The following NCAPD2 variants were observed in gnomAD, a reference collection of about 807,000 sequenced individuals.
NCAPD2 encodes non-SMC condensin I complex subunit D2, also known as condensin complex subunit 1.
Under a neutral mutation model 164.5 loss-of-function variants are expected in NCAPD2, and 100 were observed. The observed-to-expected ratio is 0.61, with a 90% CI of 0.52 to 0.72. The LOEUF (loss-of-function observed/expected upper bound fraction) is 0.72, where lower values mean the gene tolerates loss of function less well. NCAPD2 is among the 30% of genes least tolerant of loss of function. The probability of loss-of-function intolerance (pLI) is 0.00; values close to 1 mark genes in which losing one functional copy is unlikely to be tolerated. For missense variants in NCAPD2, 1,560 were observed against 1,749.2 expected, an observed-to-expected ratio of 0.89 and a Z score of 1.93; for synonymous variants, 585 against 642.6, an observed-to-expected ratio of 0.91 and a Z score of 1.36.
intron 9 of NCAPD2, among the ~76,000 whole-genome samples, chr12:6,515,256 C>T (rs1052731230): frequency 2.0e-5 from 3 of 151,918 alleles, no homozygotes; most frequent in African/African-American, 7.3e-5. Flanking sequence ...ATGATCATAG[C>T]TCATTGCAGC....
At position 6,530,684 on chromosome 12, in the gene NCAPD2, C is replaced by T; in HGVS notation, c.3838-7C>T. ...GGCCTGCTCTGAATCTCCTTTTCTC[C>T]CTCCAGGCTATAATAGATGAATTTG... On this transcript the variant is annotated splice_region_variant and splice_polypyrimidine_tract_variant and intron_variant, in intron 29 of 31. Transcript: ENST00000315579. The T allele has an allele frequency of 6.2e-7, 1 of 1,613,784 alleles. No individual in the cohort carries two copies. Among genetic ancestry groups the T allele is most frequent in the Non-Finnish European group, 8.5e-7 (1 of 1,179,940 alleles).
At chr12:6,508,137 A>G (rs76576167) in intron 2 of NCAPD2, among the ~76,000 whole-genome samples, 1 of 152,170 alleles carries the variant, frequency 6.6e-6, no homozygotes, top group East Asian at 1.9e-4. Flanking sequence ...CCTGGCTAAC[A>G]TGGTGCAACC....
intron 17 of NCAPD2, among the ~76,000 whole-genome samples, chr12:6,523,553 A>G (rs1472320929): frequency 6.6e-6 from 1 of 151,992 alleles, no homozygotes; most frequent in East Asian, 1.9e-4. Flanking sequence ...ATGTGCCACC[A>G]TGCCCGACTA....
chr12:6,528,381 TGA>T lies in NCAPD2; in HGVS notation c.3299+57_3299+58del. On this transcript the variant is annotated intron_variant, in intron 25 of 31. Coordinates refer to ENST00000315579, the MANE Select transcript of NCAPD2 (RefSeq NM_014865.4). This position sits in a 1 kb window ranked among gnomAD's most constrained non-coding sequence, Gnocchi z 5.1. ...AGTTCCCAGGAGCCCCGGAGTCTGT[TGA>T]GAGTCAGTGTGAGAATCACCAGGGC... 1 of 1,604,668 alleles carries T rather than the reference TGA, an allele frequency of 6.2e-7. No homozygotes were observed. Among genetic ancestry groups the T allele is most frequent in the Non-Finnish European group, 8.5e-7 (1 of 1,173,508 alleles).
rs574374887 is a variant in NCAPD2 at position 6,508,056 on chromosome 12, C to T, written c.128-1661C>T. 2.8e-4 allele frequency among the ~76,000 whole-genome samples: 43 copies of T among 152,100 alleles called. No homozygotes were observed. The East Asian group carries it at 6.0e-3, about 21-fold the overall frequency. ...AGAAAAAAAAATTAGCTGGGCCGGG[C>T]GCAGTGGCTCACGCCTGTAATCCCA... On this transcript the variant is annotated intron_variant, in intron 2 of 31. Coordinates refer to ENST00000315579, the MANE Select transcript of NCAPD2 (RefSeq NM_014865.4).
Position 6,526,383 on chromosome 12 carries a change from GGGAA to G in NCAPD2, c.2566+15_2566+18del. 6.2e-7 allele frequency: 1 copy of G among 1,614,180 alleles called. No homozygotes were observed. The highest frequency in any genetic ancestry group is 8.5e-7 in the Non-Finnish European group (1 of 1,180,018). On this transcript the variant is annotated intron_variant, in intron 20 of 31. Transcript: ENST00000315579. ...GACAGTCACAAAAGGTGAGCTCTCA[GGGAA>G]GGCCTTGGGCAGAATTGGGCCCTTT...
chr12:6,505,844 G>A (rs1946094478), intron 2 of NCAPD2, among the ~76,000 whole-genome samples: 1 of 54,038 alleles, frequency 1.9e-5, no homozygotes, highest in Non-Finnish European at 3.1e-5. Flanking sequence ...TAGCCTGGGT[G>A]ACAGCAAGAA....
chr12:6,510,994 T>G, intron 5 of NCAPD2, 116 bp from the exon 6 acceptor site: 1 of 1,316,888 alleles, frequency 7.6e-7, no homozygotes, highest in Non-Finnish European at 1.1e-6. Context: ...GTAATATTTC[T>G]TCCGTATTAC....
intron 22 of NCAPD2, among the ~76,000 whole-genome samples, chr12:6,527,339 C>T (rs1464898031): frequency 6.6e-6 from 1 of 152,218 alleles, no homozygotes; most frequent in Non-Finnish European, 1.5e-5. Context: ...TGTTAGAACA[C>T]GCACGTACCC....
Position 6,528,286 on chromosome 12 carries a change from T to C in NCAPD2, c.3257T>C (p.Phe1086Ser). 6.2e-7 allele frequency: 1 copy of C among 1,613,800 alleles called. No individual in the cohort carries two copies. The highest frequency in any genetic ancestry group is 8.5e-7 in the Non-Finnish European group (1 of 1,179,950). The change falls in exon 25 of 32, where the codon TTT (phenylalanine) becomes TCT (serine). Residue 1086 changes from phenylalanine (F) to serine (S), a missense_variant. Physicochemically the swap from Phe to Ser is radical, Grantham distance 155 (BLOSUM62 -2). Coordinates refer to ENST00000315579, the MANE Select transcript of NCAPD2 (RefSeq NM_014865.4). This position sits in a 1 kb window ranked among gnomAD's most constrained non-coding sequence, Gnocchi z 5.1. Reference sequence around the variant, plus strand: ...GCCACTGGGGATCTGGCCATCCGCTTTCCCAATCTGGTGGACCCCTGGACT... The same window carrying C: ...GCCACTGGGGATCTGGCCATCCGCTCTCCCAATCTGGTGGACCCCTGGACT... Reference protein sequence around the residue: ...MVATGDLAIRFPNLVDPWTPH... With the variant: ...MVATGDLAIRSPNLVDPWTPH...
At position 6,514,767 on chromosome 12, in the gene NCAPD2, G is replaced by A. The variant is rs900988872; in HGVS notation, c.840-6G>A. ...TTGCTATGGCTGTGTTTTCTTCCCT[G>A]TGTAGAGAGATTGGACAAAAGTGTC... On this transcript the variant is annotated splice_region_variant and splice_polypyrimidine_tract_variant and intron_variant, in intron 8 of 31. Transcript: ENST00000315579. 1.2e-6 allele frequency: 2 copies of A among 1,614,090 alleles called. No individual in the cohort carries two copies. The highest frequency in any genetic ancestry group is 2.7e-5 in the African/African-American group (2 of 74,948).
Position 6,514,580 on chromosome 12 carries a change from A to T in NCAPD2, c.832A>T (p.Ile278Phe). The T allele has an allele frequency of 1.2e-6, 2 of 1,614,126 alleles. No homozygotes were observed. The highest frequency in any genetic ancestry group is 8.5e-7 in the Non-Finnish European group (1 of 1,180,026). ...DYGMKSIVGE[I>F]VREIGQKCPQ... is the part of the protein sequence containing the mutation. Reference sequence around the variant, plus strand: ...TGGAATGAAGAGCATAGTGGGAGAGATTGTAAGGTGACTCTTCCTTCTCGA... The same window carrying T: ...TGGAATGAAGAGCATAGTGGGAGAGTTTGTAAGGTGACTCTTCCTTCTCGA... The change falls in exon 8 of 32, where the codon ATT becomes TTT. Residue 278 changes from isoleucine (I) to phenylalanine (F), a missense_variant. Coordinates refer to ENST00000315579, the MANE Select transcript of NCAPD2 (RefSeq NM_014865.4).
intron 2 of NCAPD2, among the ~76,000 whole-genome samples, chr12:6,508,892 T>C (rs1946120969): frequency 6.6e-6 from 1 of 151,904 alleles, no homozygotes. Flanking sequence ...ATACATAACT[T>C]CAATATAATC....
At chr12:6,506,423 C>A (rs1366916536) in intron 2 of NCAPD2, among the ~76,000 whole-genome samples, 30 of 151,982 alleles carry the variant, frequency 2.0e-4, no homozygotes. Flanking sequence ...CCCGTCTCTA[C>A]TAAAAAAGTA....
intron 18 of NCAPD2, 62 bp downstream of exon 18, chr12:6,525,778 C>G (rs1436140769): frequency 6.3e-7 from 1 of 1,583,298 alleles, no homozygotes; most frequent in Non-Finnish European, 8.6e-7. Flanking sequence ...GAGAGGGCTC[C>G]TTTTCCTTCA....
Position 6,517,676 on chromosome 12 carries a change from A to C in NCAPD2, c.1401A>C (p.Ala467=), listed in dbSNP as rs1210226744. The C allele has an allele frequency of 6.2e-7, 1 of 1,614,274 alleles. No individual in the cohort carries two copies. Among genetic ancestry groups the C allele is most frequent in the Admixed American group, 1.7e-5 (1 of 60,034 alleles). Residue 467 remains alanine, a synonymous_variant, in exon 12 of 32, where the codon GCA becomes GCC. Transcript: ENST00000315579. ...LQEMRAQRRT[A]AASAVLDPEE... is the part of the protein sequence containing the mutation. ...AGATGAGGGCCCAGAGGCGAACTGCAGCAGCTTGTAAGTAGTTACTGCCTT... is the reference window on the plus strand; with the variant it reads ...AGATGAGGGCCCAGAGGCGAACTGCCGCAGCTTGTAAGTAGTTACTGCCTT...
At chr12:6,516,237 C>T (rs11610711) in intron 9 of NCAPD2, among the ~76,000 whole-genome samples, 12 of 151,028 alleles carry the variant, frequency 7.9e-5, no homozygotes, top group Non-Finnish European at 1.6e-4. Context: ...GGCGCGGTGG[C>T]TCACGCCTAT....
At chr12:6,512,103 A>T (rs1484708026) in intron 6 of NCAPD2, among the ~76,000 whole-genome samples, 1 of 151,770 alleles carries the variant, frequency 6.6e-6, no homozygotes, top group African/African-American at 2.4e-5. Flanking sequence ...CCCCGTCTCT[A>T]CTAAAAATAC....
Position 6,526,167 on chromosome 12 carries a change from C to G in NCAPD2, c.2448C>G (p.Cys816Trp). 6.2e-7 allele frequency: 1 copy of G among 1,614,140 alleles called. No individual in the cohort carries two copies. Among genetic ancestry groups the G allele is most frequent in the Non-Finnish European group, 8.5e-7 (1 of 1,180,034 alleles). The change falls in exon 19 of 32, where the codon TGC (cysteine) becomes TGG (tryptophan). Residue 816 changes from cysteine to tryptophan, a missense_variant. Coordinates refer to ENST00000315579, the MANE Select transcript of NCAPD2 (RefSeq NM_014865.4). ...ACTACAGGCTGGCCCAGCAGGTGTGCCATGCCATTGCCAACATCTCGGACA... is the reference window on the plus strand; with the variant it reads ...ACTACAGGCTGGCCCAGCAGGTGTGGCATGCCATTGCCAACATCTCGGACA... ...PQDYRLAQQVCHAIANISDRR... is the reference protein window; with the variant it reads ...PQDYRLAQQVWHAIANISDRR...
Sources: gnomAD v4.1 joint callset for allele counts (sites outside exome capture counted in the v4.1 genomes callset) on GRCh38, gnomAD v4.1.1 for gene constraint, Gnocchi (gnomAD v3.1) non-coding constraint, MANE v1.5 for transcripts, NCBI Gene and HGNC (gene_info 2026-07-23, HGNC 2026-07-21) for gene names.